Variants in PHF14 observed in about 807,000 individuals in gnomAD.
PHF14 encodes PHD finger protein 14.
In PHF14, 55 loss-of-function variants were observed where a neutral mutation model predicts 117.9. The ratio of observed to expected loss-of-function variants is 0.47; its 90% CI spans 0.38 to 0.58. The LOEUF (loss-of-function observed/expected upper bound fraction) is 0.58, where lower values mean the gene tolerates loss of function less well. PHF14 is among the 20% of genes least tolerant of loss of function. PHF14 has a pLI of 0.00. For missense variants in PHF14, 978 were observed against 1,122.2 expected (o/e 0.87, Z 1.84); for synonymous variants, 409 against 368.6 (o/e 1.11, Z -1.26).
At chr7:11,085,009 T>G (rs950846948) in intron 16 of PHF14, among the ~76,000 whole-genome samples, 2 of 152,200 alleles carry the variant, frequency 1.3e-5, no homozygotes, top group Non-Finnish European at 2.9e-5. Flanking sequence ...TGTTTGTTTT[T>G]GCTTTATTGC....
intron 4 of PHF14, among the ~76,000 whole-genome samples, chr7:10,999,086 G>C (rs1194480651): frequency 6.6e-6 from 1 of 152,134 alleles, no homozygotes; most frequent in East Asian, 1.9e-4. Flanking sequence ...AGTGCCCCAG[G>C]CTTGCCTCAA....
At chr7:11,035,047 C>T (rs1287699035) in intron 7 of PHF14, among the ~76,000 whole-genome samples, 6 of 150,896 alleles carry the variant, frequency 4.0e-5, no homozygotes, top group African/African-American at 1.5e-4. Context: ...AAAATACAGC[C>T]GGCCCTCCGT....
chr7:11,167,939 T>C (rs1282444652), intron 17 of PHF14, among the ~76,000 whole-genome samples: 3 of 148,458 alleles, frequency 2.0e-5, no homozygotes, highest in Non-Finnish European at 4.4e-5. Flanking sequence ...GGCAGGAGAA[T>C]GGCGTGAACC....
chr7:10,992,875 G>A (rs1583338985), intron 4 of PHF14, among the ~76,000 whole-genome samples: 1 of 152,242 alleles, frequency 6.6e-6, no homozygotes, highest in Middle Eastern at 3.4e-3. Flanking sequence ...CACCTTTAAT[G>A]TAGAACAGTC....
At chr7:11,135,433 C>G (rs1162099044) in intron 17 of PHF14, among the ~76,000 whole-genome samples, 1 of 151,972 alleles carries the variant, frequency 6.6e-6, no homozygotes, top group African/African-American at 2.4e-5. Context: ...ACTTCTGAAG[C>G]AGTGGAAATA....
chr7:11,167,890 G>C (rs562451723), intron 17 of PHF14, among the ~76,000 whole-genome samples: 35 of 152,050 alleles, frequency 2.3e-4, no homozygotes, highest in Non-Finnish European at 4.1e-4. Flanking sequence ...TTAGCCGGGC[G>C]TGGTGGTGGG....
intron 16 of PHF14, among the ~76,000 whole-genome samples, chr7:11,066,834 GT>G (rs1378815544): frequency 6.6e-6 from 1 of 152,152 alleles, no homozygotes; most frequent in South Asian, 2.1e-4. Context: ...GGAGTAAGCT[GT>G]TTCGTTTTTC....
At chr7:11,064,149 TA>T (rs538812615) in intron 16 of PHF14, among the ~76,000 whole-genome samples, 3 of 151,634 alleles carry the variant, frequency 2.0e-5, no homozygotes, top group African/African-American at 7.3e-5. Flanking sequence ...ATGTGATCTT[TA>T]AAAAAAATAC....
At chr7:11,105,659 G>A (rs1453068248) in intron 16 of PHF14, 1 of 984,040 alleles carries the variant, frequency 1.0e-6, no homozygotes, top group African/African-American at 1.7e-5. Context: ...ATAAAATTAA[G>A]GATTGTGATT....
chr7:11,104,407 T>A, intron 16 of PHF14: 1 of 951,282 alleles, frequency 1.1e-6, no homozygotes, highest in Non-Finnish European at 1.3e-6. Context: ...TTAAATGCTC[T>A]CATATCCACA....
At chr7:11,091,797 C>G (rs1786650416) in intron 16 of PHF14, among the ~76,000 whole-genome samples, 3 of 152,098 alleles carry the variant, frequency 2.0e-5, no homozygotes, top group Admixed American at 1.3e-4. Flanking sequence ...GATTAGAACT[C>G]TGGAAATAAA....
intron 17 of PHF14, among the ~76,000 whole-genome samples, chr7:11,167,467 C>T (rs1388752426): frequency 9.2e-5 from 14 of 152,122 alleles, no homozygotes; most frequent in African/African-American, 2.9e-4. Flanking sequence ...ACCTTTTATT[C>T]GTTCATTATT....
At chr7:11,095,188 A>G (rs1786798342) in intron 16 of PHF14, among the ~76,000 whole-genome samples, 1 of 152,218 alleles carries the variant, frequency 6.6e-6, no homozygotes, top group South Asian at 2.1e-4. Context: ...ACCATATGCC[A>G]AGCATTATTT....
chr7:11,121,111 A>G (rs993689035), intron 17 of PHF14, among the ~76,000 whole-genome samples: 2 of 152,206 alleles, frequency 1.3e-5, no homozygotes, highest in Admixed American at 1.3e-4. Flanking sequence ...AGTTTCTGAT[A>G]ACAAAAGTTT....
At chr7:11,029,392 T>G (rs1201735612) in intron 7 of PHF14, among the ~76,000 whole-genome samples, 1 of 152,194 alleles carries the variant, frequency 6.6e-6, no homozygotes, top group Non-Finnish European at 1.5e-5. Context: ...TTTTCTGAAC[T>G]CTGTTCTTTC....
intron 7 of PHF14, among the ~76,000 whole-genome samples, chr7:11,030,026 A>G (rs1357191502): frequency 6.6e-6 from 1 of 151,846 alleles, no homozygotes; most frequent in Non-Finnish European, 1.5e-5. Flanking sequence ...TGTATTTTTG[A>G]TACATGTAGC....
chr7:11,010,150 T>A (rs1783293511), intron 4 of PHF14, among the ~76,000 whole-genome samples: 2 of 152,152 alleles, frequency 1.3e-5, no homozygotes, highest in African/African-American at 4.8e-5. Context: ...GTAAATAAAA[T>A]ATATATTTTT....
In PHF14 at chr7:11,169,411, C is replaced by G. The variant is rs1789300454; in HGVS notation, c.2773-5C>G. The G allele has an allele frequency of 1.5e-6, 2 of 1,362,624 alleles. No individual in the cohort carries two copies. Among genetic ancestry groups the G allele is most frequent in the South Asian group, 1.4e-5 (1 of 73,192 alleles). The allele number at this position is 1,362,624 out of a possible 1,614,324, so 84.4% of individuals were successfully genotyped here. A position where few individuals can be genotyped will look rare whatever the true frequency, so the allele number is the denominator to read the frequency against. On this transcript the variant is annotated splice_region_variant and splice_polypyrimidine_tract_variant and intron_variant, in intron 17 of 17. Coordinates refer to ENST00000634607, the MANE Select transcript of PHF14 (RefSeq NM_001007157.2). ...TTTTAATGTTTTCTAAAATTTATTTCACAGGAAGATGAAAATGAAGCTGAA... is the reference window on the plus strand; with the variant it reads ...TTTTAATGTTTTCTAAAATTTATTTGACAGGAAGATGAAAATGAAGCTGAA...
chr7:11,004,269 AGAAAAG>A lies in PHF14; in HGVS notation c.1046-9477_1046-9472del, dbSNP rs1241940811. Among the ~76,000 whole-genome samples the A allele has an allele frequency of 2.6e-3, 377 of 147,032 alleles. 1 individual carries two copies. The highest frequency in any genetic ancestry group is 4.5e-3 in the Non-Finnish European group (301 of 66,794). On this transcript the variant is annotated intron_variant, in intron 4 of 17. Transcript: ENST00000634607. ...CTCAAAAAAAAAAAAAAAAAAAAAA[AGAAAAG>A]AAAAAGAAAACATCTCTCATAATCA...
Sources: allele counts gnomAD v4.1 joint callset (sites outside exome capture counted in the v4.1 genomes callset), GRCh38; gene constraint gnomAD v4.1.1; transcripts MANE v1.5; gene names NCBI Gene and HGNC (gene_info 2026-07-23, HGNC 2026-07-21).